Variants in WDPCP observed in about 807,000 individuals in gnomAD.
The protein encoded by WDPCP is WD repeat containing planar cell polarity effector.
Under a neutral mutation model 93.1 loss-of-function variants are expected in WDPCP, and 71 were observed. The ratio of observed to expected loss-of-function variants is 0.76; its 90% CI spans 0.63 to 0.93. WDPCP has a LOEUF of 0.93. WDPCP is among the 40% of genes least tolerant of loss of function. The probability of loss-of-function intolerance (pLI) is 0.00; values close to 1 mark genes in which losing one functional copy is unlikely to be tolerated. For synonymous variants in WDPCP, 315 were observed against 315.0 expected (o/e 1.00, Z 0.00); for missense variants, 844 against 887.4 (o/e 0.95, Z 0.62).
chr2:63,733,193 T>TTC (rs1176518003), intron 2 of WDPCP, among the ~76,000 whole-genome samples: 2 of 139,468 alleles, frequency 1.4e-5, no homozygotes, highest in African/African-American at 5.4e-5. Flanking sequence ...ATTTTTTTTT[T>TTC]TTTTTTTTTT....
intron 1 of WDPCP, among the ~76,000 whole-genome samples, chr2:63,543,963 T>C (rs544966756): frequency 1.2e-4 from 19 of 152,062 alleles, no homozygotes; most frequent in Non-Finnish European, 2.6e-4. Flanking sequence ...GGGAGGGTGG[T>C]ATGGTTAGCT....
intron 13 of WDPCP, among the ~76,000 whole-genome samples, chr2:63,261,620 A>G (rs1331779137): frequency 6.6e-6 from 1 of 152,200 alleles, no homozygotes; most frequent in Admixed American, 6.5e-5. Flanking sequence ...GTGAAGTGTT[A>G]CCTCCTCTGA....
chr2:63,181,377 G>T (rs1182975895), intron 14 of WDPCP, among the ~76,000 whole-genome samples: 1 of 152,092 alleles, frequency 6.6e-6, no homozygotes, highest in Non-Finnish European at 1.5e-5. Context: ...TGTAGATGGT[G>T]AGAGACAGAA....
intron 2 of WDPCP, among the ~76,000 whole-genome samples, chr2:63,722,458 G>A (rs1669432162): frequency 6.9e-6 from 1 of 144,584 alleles, no homozygotes; most frequent in Non-Finnish European, 1.5e-5. Context: ...CTGCCCGGCC[G>A]CCCCGTCTGA....
chr2:63,174,564 T>C, intron 15 of WDPCP, 106 bp downstream of exon 15: 5 of 1,498,436 alleles, frequency 3.3e-6, no homozygotes, highest in Non-Finnish European at 4.6e-6. Context: ...AATGCAAATT[T>C]TTCTCCTTGA....
intron 6 of WDPCP, among the ~76,000 whole-genome samples, chr2:63,448,694 A>T (rs570052653): frequency 2.0e-5 from 3 of 152,324 alleles, no homozygotes; most frequent in African/African-American, 7.2e-5. Context: ...TAAAAAGGGA[A>T]ATTCTGTCAT....
intron 6 of WDPCP, among the ~76,000 whole-genome samples, chr2:63,445,393 A>T (rs2105577460): frequency 6.6e-6 from 1 of 152,318 alleles, no homozygotes; most frequent in East Asian, 1.9e-4. Flanking sequence ...GTACCTAGAA[A>T]TCTGCCTGCA....
chr2:63,334,117 C>T (rs1575165027), intron 12 of WDPCP, among the ~76,000 whole-genome samples: 1 of 152,170 alleles, frequency 6.6e-6, no homozygotes, highest in Non-Finnish European at 1.5e-5. Flanking sequence ...TTACAATTGC[C>T]GGCTTAACAA....
intron 14 of WDPCP, chr2:63,229,477 CT>C (rs1349098073): frequency 6.6e-6 from 1 of 151,946 alleles, no homozygotes; most frequent in African/African-American, 2.4e-5. Flanking sequence ...GTTGCCATTG[CT>C]TTTGGTGTTT....
intron 17 of WDPCP, among the ~76,000 whole-genome samples, chr2:63,130,478 C>G (rs1348675042): frequency 6.6e-6 from 1 of 152,032 alleles, no homozygotes; most frequent in Non-Finnish European, 1.5e-5. Context: ...ATATGTCTGT[C>G]TTTATGCTAG....
intron 14 of WDPCP, among the ~76,000 whole-genome samples, chr2:63,255,115 C>G (rs1164727484): frequency 1.3e-5 from 2 of 152,074 alleles, no homozygotes; most frequent in Non-Finnish European, 2.9e-5. Context: ...AAACTAGTTA[C>G]TGAAGGGAAC....
chr2:63,590,788 T>C (rs903400863), upstream of WDPCP: 1 of 152,044 alleles, frequency 6.6e-6, no homozygotes, highest in Admixed American at 6.6e-5. Flanking sequence ...TGTCTGGCAG[T>C]TTGCTGGAAC....
intron 1 of WDPCP, among the ~76,000 whole-genome samples, chr2:63,819,739 A>G (rs931789015): frequency 2.6e-5 from 4 of 152,136 alleles, no homozygotes; most frequent in African/African-American, 9.6e-5. Context: ...TTCACTTAAA[A>G]GAGAGAGGAA....
intron 2 of WDPCP, among the ~76,000 whole-genome samples, chr2:63,751,353 GAC>G (rs920283661): frequency 1.6e-4 from 24 of 151,444 alleles, no homozygotes; most frequent in African/African-American, 5.3e-4. Context: ...TTTTTTTAAA[GAC>G]ACATTTATTC....
intron 13 of WDPCP, among the ~76,000 whole-genome samples, chr2:63,290,312 C>T (rs966388134): frequency 1.3e-5 from 2 of 152,012 alleles, no homozygotes; most frequent in South Asian, 4.1e-4. Context: ...ATTCATACTG[C>T]ACCACTTCAG....
chr2:63,373,104 C>G (rs945919872), intron 12 of WDPCP, among the ~76,000 whole-genome samples: 2 of 152,104 alleles, frequency 1.3e-5, no homozygotes, highest in African/African-American at 4.8e-5. Context: ...GCCTGGGCAA[C>G]AAGAGTGAAA....
intron 1 of WDPCP, among the ~76,000 whole-genome samples, chr2:63,587,674 C>T (rs1407113209): frequency 6.6e-6 from 1 of 152,224 alleles, no homozygotes. Flanking sequence ...AAAAGCACAG[C>T]AATTCTCTTG....
chr2:63,813,086 C>T (rs771845231), intron 2 of WDPCP, among the ~76,000 whole-genome samples: 1 of 152,056 alleles, frequency 6.6e-6, no homozygotes, highest in Non-Finnish European at 1.5e-5. Flanking sequence ...TACTGCTGGG[C>T]TCAAGTGATC....
intron 7 of WDPCP, chr2:63,437,827 G>C (rs751769390): frequency 1.9e-6 from 3 of 1,582,440 alleles, no homozygotes; most frequent in Non-Finnish European, 2.6e-6. Flanking sequence ...TTAGAAACAG[G>C]GCTATAAAGG....
Sources: allele counts gnomAD v4.1 joint callset (sites outside exome capture counted in the v4.1 genomes callset), GRCh38; gene constraint gnomAD v4.1.1; transcripts MANE v1.5; gene names NCBI Gene and HGNC (gene_info 2026-07-23, HGNC 2026-07-21).